COL5A1: variants seen among roughly 807,000 people sequenced by gnomAD.
COL5A1 encodes the protein collagen type V alpha 1 chain.
Under a neutral mutation model 263.7 loss-of-function variants are expected in COL5A1, and 16 were observed. The observed-to-expected ratio is 0.06, with a 90% CI of 0.04 to 0.09. COL5A1 has a LOEUF of 0.09. COL5A1 is among the 10% of genes least tolerant of loss of function. The pLI, the probability that COL5A1 is intolerant of heterozygous loss-of-function variation, is 1.00. For missense variants in COL5A1, 2,036 were observed against 2,540.5 expected, an observed-to-expected ratio of 0.80 and a Z score of 4.27; for synonymous variants, 1,012 against 1,004.5, an observed-to-expected ratio of 1.01 and a Z score of -0.14.
Position 134,774,889 on chromosome 9 carries a change from T to C in COL5A1, c.2362T>C (p.Tyr788His). 1 of 1,613,878 alleles carries C rather than the reference T, an allele frequency of 6.2e-7. No homozygotes were observed. Among genetic ancestry groups the C allele is most frequent in the Non-Finnish European group, 8.5e-7 (1 of 1,179,902 alleles). Residue 788 changes from tyrosine (Y) to histidine (H), a missense_variant, in exon 27 of 66, where the codon TAC becomes CAC. Physicochemically the swap from Tyr to His is moderately conservative, Grantham distance 83. Around this residue, in one of 3 missense-constraint regions of COL5A1, gnomAD observed 1,078 missense variants for 1,521.4 expected, o/e 0.71. Coordinates refer to ENST00000371817, the MANE Select transcript of COL5A1 (RefSeq NM_000093.5). ...ACCTGGCCCCCAGGGTCCGATTGGC[T>C]ACCCAGGTCCTCGAGGAGTCAAGGT... ...GPPGPQGPIG[Y>H]PGPRGVKGAD...
At chr9:134,685,715 C>T (rs1391556646) in intron 1 of COL5A1, among the ~76,000 whole-genome samples, 2 of 150,356 alleles carry the variant, frequency 1.3e-5, no homozygotes, top group Non-Finnish European at 3.0e-5. Flanking sequence ...GTCCATCATC[C>T]ATCTATCCAT....
At position 134,677,466 on chromosome 9, in the gene COL5A1, C is replaced by T. The variant is rs1832712841; in HGVS notation, c.110-13446C>T. On this transcript the variant is annotated intron_variant, in intron 1 of 65. Coordinates refer to ENST00000371817, the MANE Select transcript of COL5A1 (RefSeq NM_000093.5). This position sits in a 1 kb window ranked among gnomAD's most constrained non-coding sequence, Gnocchi z 4.4. ...TGCCCACACAGGCAGGAATCCAGTG[C>T]ATCCAGTAGAGAGAGGCCATGTGCA... Among the ~76,000 whole-genome samples, 1 of 152,176 alleles carries T rather than the reference C, an allele frequency of 6.6e-6. No individual in the cohort carries two copies. Among genetic ancestry groups the T allele is most frequent in the Non-Finnish European group, 1.5e-5 (1 of 68,036 alleles).
At chr9:134,831,977 T>A (rs1026472795) in intron 64 of COL5A1, among the ~76,000 whole-genome samples, 3 of 152,130 alleles carry the variant, frequency 2.0e-5, no homozygotes, top group Non-Finnish European at 4.4e-5. Flanking sequence ...GATACCCAGA[T>A]TTTTCAGCCA....
chr9:134,794,353 C>T lies in COL5A1; in HGVS notation c.2701-729C>T, dbSNP rs1412517521. On this transcript the variant is annotated intron_variant, in intron 32 of 65. Transcript: ENST00000371817. The surrounding 1 kb of genome is among the most constrained non-coding windows in gnomAD (Gnocchi z 4.3). ...AAAAAAAAAAGAAACAAAAAAGAAA[C>T]CAGTCAAGTTCAGGAAGCTGAGTTG... Among the ~76,000 whole-genome samples, 1 of 151,508 alleles carries T rather than the reference C, an allele frequency of 6.6e-6. No homozygotes were observed. Among genetic ancestry groups the T allele is most frequent in the African/African-American group, 2.4e-5 (1 of 41,218 alleles).
At chr9:134,775,164 C>T (rs543916255) in intron 27 of COL5A1, among the ~76,000 whole-genome samples, 9 of 152,346 alleles carry the variant, frequency 5.9e-5, no homozygotes, top group South Asian at 2.1e-4. Context: ...CTGGTGACGA[C>T]GCCAGGGGCG....
rs751280400 is a variant in COL5A1 at position 134,750,864 on chromosome 9, C to T, written c.1644C>T (p.Ala548=). The change falls in exon 13 of 66, where the codon GCC becomes GCT. Residue 548 remains alanine, a synonymous_variant. Transcript: ENST00000371817. ...CAGCCCAGGAGTCCCAGGCGCAAGC[C>T]ATTCTCCAGCAGGCCAGGGTGAGTA... is the stretch of plus-strand genomic sequence containing the variant. ...MVSAQESQAQ[A]ILQQARLALR... is the part of the protein sequence containing the mutation. 6.2e-7 allele frequency: 1 copy of T among 1,613,230 alleles called. No homozygotes were observed. Among genetic ancestry groups the T allele is most frequent in the Middle Eastern group, 1.7e-4 (1 of 6,060 alleles).
intron 4 of COL5A1, among the ~76,000 whole-genome samples, chr9:134,721,922 T>C (rs1418225590): frequency 6.6e-6 from 1 of 152,116 alleles, no homozygotes; most frequent in Non-Finnish European, 1.5e-5. Flanking sequence ...GAAGAAGCAG[T>C]GGGTGGGCTG....
At chr9:134,817,135 G>A (rs1338674939) in intron 53 of COL5A1, 56 bp downstream of exon 53, 70 of 1,490,812 alleles carry the variant, frequency 4.7e-5, no homozygotes, top group South Asian at 7.9e-5. Context: ...AAACACCCCC[G>A]CCCCTCCCCG....
intron 1 of COL5A1, among the ~76,000 whole-genome samples, chr9:134,685,448 T>G (rs868465859): frequency 2.7e-3 from 2 of 738 alleles, no homozygotes; most frequent in East Asian, 0.042. Flanking sequence ...CCATTGTCCA[T>G]CATCCATCCA....
Position 134,754,396 on chromosome 9 carries a change from C to T in COL5A1, c.1827+70C>T, listed in dbSNP as rs1012303024. On this transcript the variant is annotated intron_variant, in intron 16 of 65. Transcript: ENST00000371817. This position sits in a 1 kb window ranked among gnomAD's most constrained non-coding sequence, Gnocchi z 4.3. ...GCTGGAGGAGCCCAAATCTGGGGTG[C>T]GGGCACCCCCAACAGCCAGCTGGGC... The T allele has an allele frequency of 1.8e-5, 28 of 1,565,970 alleles. No homozygotes were observed. Among genetic ancestry groups the T allele is most frequent in the African/African-American group, 1.6e-4 (12 of 73,940 alleles).
intron 10 of COL5A1, 36 bp downstream of exon 10, chr9:134,738,551 G>A: frequency 6.2e-7 from 1 of 1,613,770 alleles, no homozygotes; most frequent in Non-Finnish European, 8.5e-7. Context: ...CTTGCAGAAG[G>A]TGCTCTTGGT....
rs149831017 is a variant in COL5A1, at chr9:134,700,441, A to G, written c.491+319A>G. Reference sequence around the variant, plus strand: ...ACAGGAAATTGTGAGGTTATACCCAACCTTTTCCAGAAAGGATTTCAGGTA... The same window carrying G: ...ACAGGAAATTGTGAGGTTATACCCAGCCTTTTCCAGAAAGGATTTCAGGTA... On this transcript the variant is annotated intron_variant, in intron 3 of 65. Coordinates refer to ENST00000371817, the MANE Select transcript of COL5A1 (RefSeq NM_000093.5). This position sits in a 1 kb window ranked among gnomAD's most constrained non-coding sequence, Gnocchi z 4.0. 2.9e-3 allele frequency among the ~76,000 whole-genome samples: 447 copies of G among 152,268 alleles called. 1 individual carries two copies. Among genetic ancestry groups the G allele is most frequent in the African/African-American group, 9.1e-3 (378 of 41,542 alleles).
intron 62 of COL5A1, among the ~76,000 whole-genome samples, chr9:134,825,515 A>AG: frequency 6.6e-6 from 1 of 152,218 alleles, no homozygotes; most frequent in South Asian, 2.1e-4. Context: ...CCACCCAGAG[A>AG]GTAGGCCGGA....
chr9:134,756,813 C>T lies in COL5A1; in HGVS notation c.1876C>T (p.Pro626Ser), dbSNP rs897885276. The change falls in exon 17 of 66, where the codon CCC becomes TCC. Residue 626 changes from proline (P) to serine (S), a missense_variant. Around this residue, in one of 3 missense-constraint regions of COL5A1, gnomAD observed 1,078 missense variants for 1,521.4 expected, o/e 0.71. Coordinates refer to ENST00000371817, the MANE Select transcript of COL5A1 (RefSeq NM_000093.5). The stretch of plus-strand genomic sequence containing the variant: ...CAGAGGAATGCCTGGACAAACTGGC[C>T]CCAAGGTAGGTCACCCACCACCCTC... Reference protein sequence around the residue: ...GARGMPGQTGPKGDRGFDGLA... With the variant: ...GARGMPGQTGSKGDRGFDGLA... The T allele has an allele frequency of 6.2e-7, 1 of 1,613,942 alleles. No individual in the cohort carries two copies. Among genetic ancestry groups the T allele is most frequent in the Non-Finnish European group, 8.5e-7 (1 of 1,179,988 alleles).
Position 134,766,444 on chromosome 9 carries a change from T to C in COL5A1, c.2089-10T>C. 6.2e-7 allele frequency: 1 copy of C among 1,614,070 alleles called. No homozygotes were observed. The highest frequency in any genetic ancestry group is 1.1e-5 in the South Asian group (1 of 91,082). Reference sequence around the variant, plus strand: ...CAGTTACATGTTTTTCTTCTTAAAATCGTACACAGGGTGTCACGGGTATGG... The same window carrying C: ...CAGTTACATGTTTTTCTTCTTAAAACCGTACACAGGGTGTCACGGGTATGG... On this transcript the variant is annotated splice_polypyrimidine_tract_variant and intron_variant, in intron 21 of 65. Transcript: ENST00000371817.
intron 4 of COL5A1, 145 bp downstream of exon 4, chr9:134,701,478 G>C (rs1252276625): frequency 3.6e-6 from 3 of 838,286 alleles, no homozygotes; most frequent in Non-Finnish European, 5.9e-6. Flanking sequence ...AGAAGCCTCT[G>C]CTGCCATCCT....
At chr9:134,707,862 G>A (rs567217522) in intron 4 of COL5A1, among the ~76,000 whole-genome samples, 31 of 152,290 alleles carry the variant, frequency 2.0e-4, no homozygotes, top group African/African-American at 6.0e-4. Flanking sequence ...GGAGGGAAGC[G>A]CAACCGTGAA....
chr9:134,711,322 C>T (rs901633783), intron 4 of COL5A1, among the ~76,000 whole-genome samples: 11 of 152,070 alleles, frequency 7.2e-5, no homozygotes, highest in African/African-American at 2.7e-4. Context: ...TGGGTGCTGT[C>T]GTATAGACCG....
chr9:134,756,878 G>A lies in COL5A1; in HGVS notation c.1881+60G>A, dbSNP rs1383827491. On this transcript the variant is annotated intron_variant, in intron 17 of 65. Transcript: ENST00000371817. ...TCACTGTCATCCCTGGGGTCATGTTGATGATGTAACCAAAATGCTGGTTAT... is the reference window on the plus strand; with the variant it reads ...TCACTGTCATCCCTGGGGTCATGTTAATGATGTAACCAAAATGCTGGTTAT... The A allele has an allele frequency of 4.2e-5, 65 of 1,538,304 alleles. 3 individuals are homozygous for A. The South Asian group carries it at 7.1e-4, about 17-fold the overall frequency.
Sources: gnomAD v4.1 joint callset for allele counts (sites outside exome capture counted in the v4.1 genomes callset) on GRCh38, gnomAD v4.1.1 for gene constraint, gnomAD v4.1.1 regional missense constraint, Gnocchi (gnomAD v3.1) non-coding constraint, MANE v1.5 for transcripts, NCBI Gene and HGNC (gene_info 2026-07-23, HGNC 2026-07-21) for gene names.